The following FBXL7 variants were observed in gnomAD, a reference collection of about 807,000 sequenced individuals.
FBXL7 encodes F-box and leucine rich repeat protein 7.
FBXL7 carries 12 observed loss-of-function variants against 38.3 expected under a neutral mutation model. That is an observed-to-expected ratio of 0.31 (90% confidence interval 0.20 to 0.51). The LOEUF is 0.51. Ranked by LOEUF, FBXL7 falls within the 20% of genes least tolerant of loss-of-function variation. The pLI, the probability that FBXL7 is intolerant of heterozygous loss-of-function variation, is 0.98. For missense variants in FBXL7, 567 were observed against 676.4 expected (o/e 0.84, Z 1.79); for synonymous variants, 297 against 300.9 (o/e 0.99, Z 0.13).
At position 15,795,498 on chromosome 5, in the gene FBXL7, G is replaced by A. The variant is rs549744732; in HGVS notation, c.128-132392G>A. Among the ~76,000 whole-genome samples the A allele has an allele frequency of 7.2e-5, 11 of 152,272 alleles. No homozygotes were observed. In the East Asian group the frequency reaches 1.2e-3, roughly 16 times the overall value. On this transcript the variant is annotated intron_variant, in intron 2 of 3. Coordinates refer to ENST00000504595, the MANE Select transcript of FBXL7 (RefSeq NM_012304.5). Reference sequence around the variant, plus strand: ...GAATTCTAAAAAAGGTATGCCTACCGGCCAGATATTGCAGTTGTCATCTAT... The same window carrying A: ...GAATTCTAAAAAAGGTATGCCTACCAGCCAGATATTGCAGTTGTCATCTAT...
intron 2 of FBXL7, among the ~76,000 whole-genome samples, chr5:15,810,369 T>A (rs920146252): frequency 6.6e-6 from 1 of 152,056 alleles, no homozygotes; most frequent in South Asian, 2.1e-4. Context: ...AAGACCAGGC[T>A]GGCCAACATG....
intron 2 of FBXL7, among the ~76,000 whole-genome samples, chr5:15,637,460 A>C (rs1173422490): frequency 6.6e-6 from 1 of 152,262 alleles, no homozygotes; most frequent in African/African-American, 2.4e-5. Context: ...CAAAGAAAGC[A>C]GAAAGCAAAT....
At chr5:15,607,027 T>C (rs1740048498) in intron 1 of FBXL7, 1 of 152,188 alleles carries the variant, frequency 6.6e-6, no homozygotes, top group Non-Finnish European at 1.5e-5. Context: ...GGGACAGACA[T>C]TGAACTGTGG....
intron 2 of FBXL7, among the ~76,000 whole-genome samples, chr5:15,853,378 G>C (rs1739158460): frequency 6.6e-6 from 1 of 152,108 alleles, no homozygotes; most frequent in South Asian, 2.1e-4. Flanking sequence ...ATGAGAAAGG[G>C]GTTACTAGTT....
At chr5:15,533,993 A>T (rs1737507967) in intron 1 of FBXL7, among the ~76,000 whole-genome samples, 1 of 152,056 alleles carries the variant, frequency 6.6e-6, no homozygotes, top group Non-Finnish European at 1.5e-5. Flanking sequence ...TATTACTTAA[A>T]TCTATTTATG....
Position 15,936,778 on chromosome 5 carries a change from C to T in FBXL7, c.1068C>T (p.Ser356=), listed in dbSNP as rs779669508. The change falls in exon 4 of 4, where the codon AGC becomes AGT. Residue 356 remains serine, a synonymous_variant. Transcript: ENST00000504595. This position sits in a 1 kb window ranked among gnomAD's most constrained non-coding sequence, Gnocchi z 6.0. ...TGGAGTCCCGCCTGCGGTACCTGAGCATCGCGCACTGCGGCCGGGTCACCG... is the reference window on the plus strand; with the variant it reads ...TGGAGTCCCGCCTGCGGTACCTGAGTATCGCGCACTGCGGCCGGGTCACCG... ...AKLESRLRYL[S]IAHCGRVTDV... 1 of 1,611,614 alleles carries T rather than the reference C, an allele frequency of 6.2e-7. No homozygotes were observed. Among genetic ancestry groups the T allele is most frequent in the Non-Finnish European group, 8.5e-7 (1 of 1,179,352 alleles).
chr5:15,768,271 C>T (rs1736641422), intron 2 of FBXL7, among the ~76,000 whole-genome samples: 1 of 152,122 alleles, frequency 6.6e-6, no homozygotes, highest in African/African-American at 2.4e-5. Context: ...GTGACTCACA[C>T]CTGTAATCCC....
At chr5:15,913,926 A>C (rs148244781) in intron 2 of FBXL7, among the ~76,000 whole-genome samples, 2,165 of 152,102 alleles carry the variant, frequency 0.014, 150 homozygotes, top group Admixed American at 0.12. Flanking sequence ...TGCGTGACTT[A>C]GTTCGGGGGT....
At chr5:15,829,500 A>G (rs1220548990) in intron 2 of FBXL7, among the ~76,000 whole-genome samples, 3 of 152,228 alleles carry the variant, frequency 2.0e-5, no homozygotes, top group East Asian at 1.9e-4. Flanking sequence ...GCATGGTCCA[A>G]TATCATCTCA....
intron 2 of FBXL7, among the ~76,000 whole-genome samples, chr5:15,712,472 A>T (rs1004228437): frequency 6.6e-6 from 1 of 152,130 alleles, no homozygotes; most frequent in Non-Finnish European, 1.5e-5. Flanking sequence ...TAGCCCTAAA[A>T]ACCTGGCTGA....
chr5:15,691,313 A>T (rs772298598), intron 2 of FBXL7, among the ~76,000 whole-genome samples: 2 of 152,202 alleles, frequency 1.3e-5, no homozygotes, highest in African/African-American at 2.4e-5. Context: ...TCATGAATCA[A>T]CTTGATGTTT....
At chr5:15,884,660 G>A (rs1176825282) in intron 2 of FBXL7, among the ~76,000 whole-genome samples, 1 of 152,176 alleles carries the variant, frequency 6.6e-6, no homozygotes, top group Non-Finnish European at 1.5e-5. Context: ...AATAGAGATA[G>A]TTGAAAATAT....
At chr5:15,828,453 G>C (rs1738372135) in intron 2 of FBXL7, among the ~76,000 whole-genome samples, 1 of 152,184 alleles carries the variant, frequency 6.6e-6, no homozygotes. Context: ...GCAATCTTAA[G>C]TTGAATGAAT....
chr5:15,824,823 G>T lies in FBXL7; in HGVS notation c.128-103067G>T, dbSNP rs531777769. ...AGGGTCCTCTCAGTAGTTTTTGAAA[G>T]CTGTTTCCTGAATCATAAACTTTCA... On this transcript the variant is annotated intron_variant, in intron 2 of 3. Transcript: ENST00000504595. Among the ~76,000 whole-genome samples, 15 of 152,230 alleles carry T rather than the reference G, an allele frequency of 9.9e-5. 1 individual carries two copies. The East Asian group carries it at 2.9e-3, about 29-fold the overall frequency.
At chr5:15,836,794 C>T (rs1738604420) in intron 2 of FBXL7, among the ~76,000 whole-genome samples, 1 of 152,080 alleles carries the variant, frequency 6.6e-6, no homozygotes, top group Non-Finnish European at 1.5e-5. Context: ...GTTTCAGCCT[C>T]CTGTCAACAA....
intron 2 of FBXL7, among the ~76,000 whole-genome samples, chr5:15,840,324 G>C (rs896973057): frequency 6.6e-6 from 1 of 152,134 alleles, no homozygotes; most frequent in East Asian, 1.9e-4. Context: ...AAACTCAGTA[G>C]TAAGTTATGA....
At chr5:15,859,755 TTCAAGA>T (rs1739397265) in intron 2 of FBXL7, among the ~76,000 whole-genome samples, 1 of 152,110 alleles carries the variant, frequency 6.6e-6, no homozygotes. Context: ...GGAACAACAG[TTCAAGA>T]TGAGATTCGG....
At chr5:15,575,228 C>T (rs1738919651) in intron 1 of FBXL7, among the ~76,000 whole-genome samples, 1 of 151,124 alleles carries the variant, frequency 6.6e-6, no homozygotes, top group Non-Finnish European at 1.5e-5. Flanking sequence ...ACCTGAATTA[C>T]AGAGTAGTCC....
chr5:15,638,556 C>T (rs1741259239), intron 2 of FBXL7, among the ~76,000 whole-genome samples: 2 of 151,630 alleles, frequency 1.3e-5, no homozygotes, highest in South Asian at 2.1e-4. Context: ...TGCATAATTC[C>T]AGTGTCGAGT....
Sources: allele counts gnomAD v4.1 joint callset (sites outside exome capture counted in the v4.1 genomes callset), GRCh38; gene constraint gnomAD v4.1.1; non-coding constraint Gnocchi (gnomAD v3.1); transcripts MANE v1.5; gene names NCBI Gene and HGNC (gene_info 2026-07-23, HGNC 2026-07-21).